The following ARHGAP24 variants were observed in gnomAD, a reference collection of about 807,000 sequenced individuals.
The protein encoded by ARHGAP24 is Rho GTPase activating protein 24, also known as rho GTPase-activating protein 24.
A neutral mutation model predicts 76.4 loss-of-function variants in ARHGAP24; 50 were observed. That is an observed-to-expected ratio of 0.65 (90% confidence interval 0.52 to 0.83). The LOEUF (loss-of-function observed/expected upper bound fraction) is 0.83, where lower values mean the gene tolerates loss of function less well. Ranked by LOEUF, ARHGAP24 falls within the 40% of genes least tolerant of loss-of-function variation. The pLI, the probability that ARHGAP24 is intolerant of heterozygous loss-of-function variation, is 0.00. For missense variants in ARHGAP24, 930 were observed against 914.2 expected (o/e 1.02, Z -0.22); for synonymous variants, 345 against 323.3 (o/e 1.07, Z -0.72).
chr4:85,585,636 C>T (rs1487651348), intron 2 of ARHGAP24, among the ~76,000 whole-genome samples: 2 of 152,196 alleles, frequency 1.3e-5, no homozygotes, highest in African/African-American at 4.8e-5. Flanking sequence ...TTTATAATTT[C>T]ATGGAATTGA....
At chr4:85,548,140 G>A (rs947774000) in intron 1 of ARHGAP24, among the ~76,000 whole-genome samples, 3 of 152,024 alleles carry the variant, frequency 2.0e-5, no homozygotes, top group Admixed American at 6.5e-5. Flanking sequence ...ATTAGTTTTT[G>A]TGCCTTTTGA....
chr4:85,873,097 C>A (rs956930081), intron 3 of ARHGAP24, among the ~76,000 whole-genome samples: 1 of 152,176 alleles, frequency 6.6e-6, no homozygotes, highest in Admixed American at 6.6e-5. Context: ...CTATCCTCAA[C>A]AGAAAGCCTA....
chr4:85,587,570 A>G (rs1727913450), intron 2 of ARHGAP24, among the ~76,000 whole-genome samples: 1 of 152,206 alleles, frequency 6.6e-6, no homozygotes, highest in Admixed American at 6.6e-5. Flanking sequence ...TTATTACCAT[A>G]AAAATATTTA....
At chr4:85,498,467 G>A (rs973801619) in intron 1 of ARHGAP24, among the ~76,000 whole-genome samples, 3 of 152,224 alleles carry the variant, frequency 2.0e-5, no homozygotes. Flanking sequence ...AAGGAGGAGA[G>A]CCCTAGAAGA....
chr4:85,954,581 C>T (rs1304728599), intron 5 of ARHGAP24, among the ~76,000 whole-genome samples: 2 of 152,328 alleles, frequency 1.3e-5, no homozygotes, highest in East Asian at 3.9e-4. Flanking sequence ...GTGCTCCCTT[C>T]GGCAGCACAT....
intron 3 of ARHGAP24, among the ~76,000 whole-genome samples, chr4:85,886,690 C>T (rs1267704330): frequency 6.6e-6 from 1 of 152,034 alleles, no homozygotes; most frequent in Non-Finnish European, 1.5e-5. Flanking sequence ...ATACATTAAA[C>T]AATGAAATGA....
At chr4:85,698,151 T>C (rs578221302) in intron 2 of ARHGAP24, among the ~76,000 whole-genome samples, 178 of 152,330 alleles carry the variant, frequency 1.2e-3, no homozygotes, top group Non-Finnish European at 1.4e-3. Flanking sequence ...TGACAATGTA[T>C]GACAAAATTA....
intron 2 of ARHGAP24, among the ~76,000 whole-genome samples, chr4:85,682,702 T>C (rs574950193): frequency 5.3e-5 from 8 of 152,346 alleles, no homozygotes; most frequent in Admixed American, 3.9e-4. Context: ...CTTTGCACTT[T>C]GCTTGCAAAG....
intron 5 of ARHGAP24, among the ~76,000 whole-genome samples, chr4:85,945,202 G>A (rs1369329298): frequency 6.6e-6 from 1 of 151,978 alleles, no homozygotes; most frequent in Non-Finnish European, 1.5e-5. Context: ...GAGTGCAGTA[G>A]CATGATCTCA....
At chr4:85,870,483 G>C (rs140753177) in intron 3 of ARHGAP24, among the ~76,000 whole-genome samples, 391 of 152,254 alleles carry the variant, frequency 2.6e-3, no homozygotes, top group Non-Finnish European at 1.8e-3. Context: ...TCTGATTTGT[G>C]TATCTGGCTG....
At chr4:85,476,578 G>A (rs1722609011) in intron 1 of ARHGAP24, among the ~76,000 whole-genome samples, 1 of 152,138 alleles carries the variant, frequency 6.6e-6, no homozygotes, top group African/African-American at 2.4e-5. Flanking sequence ...TGTCTACTAA[G>A]TAAGACAAAT....
At chr4:85,619,384 G>C (rs995265483) in intron 2 of ARHGAP24, among the ~76,000 whole-genome samples, 1 of 151,710 alleles carries the variant, frequency 6.6e-6, no homozygotes, top group Admixed American at 6.6e-5. Context: ...AGTTTATTTT[G>C]TGATTAGGTA....
intron 5 of ARHGAP24, among the ~76,000 whole-genome samples, chr4:85,969,756 A>G (rs370287132): frequency 1.3e-5 from 2 of 152,144 alleles, no homozygotes; most frequent in South Asian, 2.1e-4. Context: ...AAACAAAAAT[A>G]CTAGTGTCTT....
intron 3 of ARHGAP24, among the ~76,000 whole-genome samples, chr4:85,795,292 C>T (rs1485785109): frequency 6.6e-6 from 1 of 152,184 alleles, no homozygotes; most frequent in Non-Finnish European, 1.5e-5. Context: ...CTTCATCATT[C>T]TCTCTGTGTT....
At chr4:85,717,898 T>C (rs1724790094) in intron 2 of ARHGAP24, among the ~76,000 whole-genome samples, 1 of 152,140 alleles carries the variant, frequency 6.6e-6, no homozygotes. Flanking sequence ...TCACCTGAGA[T>C]ATTTAAAGAA....
At chr4:85,890,264 C>T (rs1733813593) in intron 3 of ARHGAP24, among the ~76,000 whole-genome samples, 1 of 152,130 alleles carries the variant, frequency 6.6e-6, no homozygotes, top group Non-Finnish European at 1.5e-5. Flanking sequence ...TTCCCAGCCC[C>T]CTGACTTTCT....
At chr4:85,509,342 T>C (rs1724189225) in intron 1 of ARHGAP24, among the ~76,000 whole-genome samples, 3 of 151,974 alleles carry the variant, frequency 2.0e-5, no homozygotes, top group Admixed American at 6.6e-5. Flanking sequence ...ACTTAAAGTA[T>C]AATTAAAAAA....
chr4:85,525,427 G>A (rs577119495), intron 1 of ARHGAP24, among the ~76,000 whole-genome samples: 1 of 151,096 alleles, frequency 6.6e-6, no homozygotes, highest in Admixed American at 6.6e-5. Context: ...AAAACTAGGA[G>A]AGTTTAAACC....
At chr4:85,747,991 A>ATATC (rs1726114687) in intron 3 of ARHGAP24, among the ~76,000 whole-genome samples, 1 of 152,230 alleles carries the variant, frequency 6.6e-6, no homozygotes, top group Admixed American at 6.5e-5. Context: ...CTAGCAGCTT[A>ATATC]TATCTGTTCA....
Sources: gnomAD v4.1 joint callset for allele counts (sites outside exome capture counted in the v4.1 genomes callset) on GRCh38, gnomAD v4.1.1 for gene constraint, MANE v1.5 for transcripts, NCBI Gene and HGNC (gene_info 2026-07-23, HGNC 2026-07-21) for gene names.